VAT1L: variants seen among roughly 807,000 people sequenced by gnomAD.
VAT1L encodes vesicle amine transport 1 like.
In VAT1L, 34 loss-of-function variants were observed where a neutral mutation model predicts 44.1. The observed-to-expected ratio is 0.77, with a 90% CI of 0.59 to 1.03. The LOEUF is 1.03. Among genes scored for constraint, VAT1L ranks in the 50% least tolerant of loss-of-function variants. VAT1L has a pLI of 0.00. For missense variants in VAT1L, 615 were observed against 538.8 expected, an observed-to-expected ratio of 1.14 and a Z score of -1.40; for synonymous variants, 253 against 202.2, an observed-to-expected ratio of 1.25 and a Z score of -2.13.
At chr16:77,795,813 C>CTTTTTTTTTTTTTTTTTTTTT (rs56725954) in intron 1 of VAT1L, among the ~76,000 whole-genome samples, 1 of 100,582 alleles carries the variant, frequency 9.9e-6, no homozygotes, top group African/African-American at 3.8e-5. Flanking sequence ...CCTTTTTTCT[C>CTTTTTTTTTTTTTTTTTTTTT]TTTTTTTTTT....
intron 3 of VAT1L, among the ~76,000 whole-genome samples, chr16:77,825,860 A>AT (rs1025781666): frequency 2.6e-4 from 37 of 144,070 alleles, no homozygotes; most frequent in East Asian, 1.8e-3. Context: ...ACTAAAAATA[A>AT]AAAAAAAAAA....
intron 4 of VAT1L, among the ~76,000 whole-genome samples, chr16:77,867,394 A>G (rs1473998833): frequency 6.6e-6 from 1 of 152,232 alleles, no homozygotes; most frequent in Non-Finnish European, 1.5e-5. Flanking sequence ...CTTTAAAAAA[A>G]TCAAACAACA....
rs149671293 is a variant in VAT1L, at chr16:77,975,009, G to C, written c.1162-2588G>C. On this transcript the variant is annotated intron_variant, in intron 8 of 8. Transcript: ENST00000302536. ...ACTTGAAGGAAAGGGAGCATGTCTT[G>C]AGGTTAAACAGAAGACATGGAGATG... Among the ~76,000 whole-genome samples, 106 of 152,036 alleles carry C rather than the reference G, an allele frequency of 7.0e-4. 1 individual carries two copies. The highest frequency in any genetic ancestry group is 2.5e-3 in the African/African-American group (104 of 41,482).
intron 4 of VAT1L, among the ~76,000 whole-genome samples, chr16:77,875,441 C>G (rs1467387772): frequency 6.6e-6 from 1 of 152,120 alleles, no homozygotes; most frequent in East Asian, 1.9e-4. Context: ...ACAAGGAATG[C>G]CATTCTTGTC....
At chr16:77,809,780 C>A (rs1021498282) in intron 1 of VAT1L, among the ~76,000 whole-genome samples, 1 of 152,196 alleles carries the variant, frequency 6.6e-6, no homozygotes, top group Non-Finnish European at 1.5e-5. Context: ...GGAACTATTT[C>A]ATAGAATCAT....
intron 7 of VAT1L, among the ~76,000 whole-genome samples, chr16:77,964,600 C>T (rs924081620): frequency 1.3e-5 from 2 of 152,220 alleles, no homozygotes; most frequent in Middle Eastern, 3.4e-3. Flanking sequence ...TACAAAGTCC[C>T]TTTGCCATGT....
intron 7 of VAT1L, among the ~76,000 whole-genome samples, chr16:77,966,676 A>G (rs2018226070): frequency 6.6e-6 from 1 of 152,202 alleles, no homozygotes; most frequent in Admixed American, 6.5e-5. Flanking sequence ...ACAAAAAACT[A>G]ATTTTAATAA....
At chr16:77,853,748 C>T (rs2016829082) in intron 3 of VAT1L, among the ~76,000 whole-genome samples, 1 of 152,018 alleles carries the variant, frequency 6.6e-6, no homozygotes, top group South Asian at 2.1e-4. Context: ...TGGCACCACA[C>T]ACTGAGAAGC....
intron 3 of VAT1L, among the ~76,000 whole-genome samples, chr16:77,837,100 G>A (rs948527120): frequency 6.6e-6 from 1 of 152,144 alleles, no homozygotes. Context: ...TGCTAGGCTG[G>A]GCTGACAGGT....
chr16:77,942,645 C>G (rs766349010), intron 7 of VAT1L, among the ~76,000 whole-genome samples: 4 of 152,150 alleles, frequency 2.6e-5, no homozygotes, highest in South Asian at 4.1e-4. Context: ...ATAGAAGGAT[C>G]GAGTTGAGGG....
chr16:77,913,662 T>C (rs2017521743), intron 7 of VAT1L, among the ~76,000 whole-genome samples: 1 of 152,126 alleles, frequency 6.6e-6, no homozygotes. Context: ...CTCTGGGACA[T>C]GTTGGCATCT....
intron 7 of VAT1L, among the ~76,000 whole-genome samples, chr16:77,895,691 T>G (rs929030582): frequency 1.1e-4 from 16 of 152,338 alleles, no homozygotes; most frequent in Admixed American, 6.5e-5. Context: ...TTTTTGTAGT[T>G]TTATGTAAAT....
chr16:77,954,755 A>G (rs1334592245), intron 7 of VAT1L, among the ~76,000 whole-genome samples: 1 of 152,234 alleles, frequency 6.6e-6, no homozygotes, highest in East Asian at 1.9e-4. Flanking sequence ...TAGGCAGTCA[A>G]TATTTGTTAA....
intron 6 of VAT1L, among the ~76,000 whole-genome samples, chr16:77,880,134 A>T (rs543155579): frequency 6.6e-6 from 1 of 152,138 alleles, no homozygotes; most frequent in Non-Finnish European, 1.5e-5. Flanking sequence ...ATCTGGAGCT[A>T]TACTTGCTAG....
At chr16:77,862,659 C>T (rs1312704388) in intron 3 of VAT1L, 89 bp from the exon 4 acceptor site, 11 of 1,150,012 alleles carry the variant, frequency 9.6e-6, no homozygotes, top group East Asian at 7.9e-5. Context: ...TCAATAGTGC[C>T]GATGGAGAAA....
intron 7 of VAT1L, among the ~76,000 whole-genome samples, chr16:77,968,789 T>C (rs919962857): frequency 6.6e-6 from 1 of 152,120 alleles, no homozygotes; most frequent in African/African-American, 2.4e-5. Context: ...TGATAAAGGA[T>C]TAATTTTTTT....
At chr16:77,804,164 T>C (rs1299901719) in intron 1 of VAT1L, among the ~76,000 whole-genome samples, 2 of 152,202 alleles carry the variant, frequency 1.3e-5, no homozygotes, top group African/African-American at 2.4e-5. Context: ...ACATTAAATG[T>C]TCTATGCAAC....
intron 7 of VAT1L, among the ~76,000 whole-genome samples, chr16:77,916,345 T>G (rs2017551997): frequency 6.6e-6 from 1 of 152,180 alleles, no homozygotes; most frequent in African/African-American, 2.4e-5. Flanking sequence ...GGGCTCAGGT[T>G]CAGAAGATCA....
chr16:77,974,589 G>C (rs953339187), intron 8 of VAT1L, among the ~76,000 whole-genome samples: 1 of 152,118 alleles, frequency 6.6e-6, no homozygotes, highest in African/African-American at 2.4e-5. Flanking sequence ...TTGAAATGCA[G>C]TCTCACTCTG....
Sources: allele counts gnomAD v4.1 joint callset (sites outside exome capture counted in the v4.1 genomes callset), GRCh38; gene constraint gnomAD v4.1.1; transcripts MANE v1.5; gene names NCBI Gene and HGNC (gene_info 2026-07-23, HGNC 2026-07-21).